The following CPXM2 variants were observed in gnomAD, a reference collection of about 807,000 sequenced individuals.
The protein encoded by CPXM2 is inactive carboxypeptidase-like protein X2.
Under a neutral mutation model 86.1 loss-of-function variants are expected in CPXM2, and 66 were observed. That is an observed-to-expected ratio of 0.77 (90% CI 0.63 to 0.94). The LOEUF is 0.94. Among genes scored for constraint, CPXM2 ranks in the 40% least tolerant of loss-of-function variants. The probability of loss-of-function intolerance (pLI) is 0.00; values close to 1 mark genes in which losing one functional copy is unlikely to be tolerated. For synonymous variants in CPXM2, 388 were observed against 400.2 expected, an observed-to-expected ratio of 0.97 and a Z score of 0.36; for missense variants, 948 against 1,026.3, an observed-to-expected ratio of 0.92 and a Z score of 1.04.
chr10:123,863,650 C>T (rs1045451916), intron 2 of CPXM2, among the ~76,000 whole-genome samples: 12 of 152,206 alleles, frequency 7.9e-5, no homozygotes, highest in African/African-American at 2.9e-4. Flanking sequence ...TTAATCCTCA[C>T]ACGACATACT....
chr10:123,869,923 T>C (rs1422315265), intron 2 of CPXM2, among the ~76,000 whole-genome samples: 1 of 152,146 alleles, frequency 6.6e-6, no homozygotes, highest in African/African-American at 2.4e-5. Context: ...AGCATATAAA[T>C]AAGAATTCTG....
At chr10:123,854,658 G>A (rs1006920995) in intron 3 of CPXM2, among the ~76,000 whole-genome samples, 26 of 150,268 alleles carry the variant, frequency 1.7e-4, no homozygotes, top group South Asian at 1.0e-3. Flanking sequence ...GACAACCCCC[G>A]GAGCCTGTGT....
intron 4 of CPXM2, among the ~76,000 whole-genome samples, chr10:123,828,333 A>G (rs1490770273): frequency 1.3e-5 from 2 of 152,174 alleles, no homozygotes; most frequent in Non-Finnish European, 2.9e-5. Context: ...AAATAAACCA[A>G]CTGATATGGT....
At chr10:123,929,163 C>G (rs1945646374) in intron 2 of CPXM2, among the ~76,000 whole-genome samples, 1 of 152,206 alleles carries the variant, frequency 6.6e-6, no homozygotes. Flanking sequence ...CAGGCAGTGC[C>G]AGGACAGATG....
chr10:123,857,229 A>G (rs560109138), intron 3 of CPXM2, among the ~76,000 whole-genome samples: 90 of 152,296 alleles, frequency 5.9e-4, no homozygotes, highest in Non-Finnish European at 9.7e-4. Context: ...TCTACTTGAA[A>G]AAAAGGAAGT....
intron 4 of CPXM2, among the ~76,000 whole-genome samples, chr10:123,800,256 A>G (rs967018952): frequency 6.6e-6 from 1 of 151,990 alleles, no homozygotes; most frequent in African/African-American, 2.4e-5. Flanking sequence ...GTGATTTTAT[A>G]CATGCTTGGA....
chr10:123,761,770 C>T (rs1208745142), intron 11 of CPXM2, 102 bp downstream of exon 11: 1 of 1,210,332 alleles, frequency 8.3e-7, no homozygotes, highest in African/African-American at 1.5e-5. Flanking sequence ...GCAGCCACCA[C>T]TTAGTGACAA....
At chr10:123,919,477 G>T (rs1018680291) in intron 2 of CPXM2, among the ~76,000 whole-genome samples, 1 of 149,738 alleles carries the variant, frequency 6.7e-6, no homozygotes, top group Non-Finnish European at 1.5e-5. Context: ...TTTAAAGCAG[G>T]TATGACAACC....
chr10:123,752,022 A>G (rs1458435666), intron 13 of CPXM2: 1 of 985,436 alleles, frequency 1.0e-6, no homozygotes, highest in African/African-American at 1.7e-5. Flanking sequence ...CAAAACTCCC[A>G]CATTTTCTCA....
intron 4 of CPXM2, among the ~76,000 whole-genome samples, chr10:123,830,598 T>C (rs766559705): frequency 6.6e-6 from 1 of 152,176 alleles, no homozygotes; most frequent in African/African-American, 2.4e-5. Context: ...GCCAGTTCTC[T>C]GCTGGAACCA....
rs966415142 is a variant in CPXM2, at chr10:123,923,381, C to T, written n.174+16096G>A. 4.0e-5 allele frequency among the ~76,000 whole-genome samples: 6 copies of T among 149,820 alleles called. No individual in the cohort carries two copies. The South Asian group carries it at 8.6e-4, about 21-fold the overall frequency. ...GGATCACGAGGTCAGGAGATCGAGA[C>T]CATCCTGGCTAACACAGTGAAACCC... On this transcript the variant is annotated intron_variant and non_coding_transcript_variant, in intron 2 of 19. Transcript: ENST00000368854.
At chr10:123,748,992 T>C (rs1327264360) in intron 13 of CPXM2, among the ~76,000 whole-genome samples, 2 of 152,180 alleles carry the variant, frequency 1.3e-5, no homozygotes, top group African/African-American at 2.4e-5. Flanking sequence ...GTGCTCAACA[T>C]GCGTGCCATT....
intron 4 of CPXM2, among the ~76,000 whole-genome samples, chr10:123,820,851 G>C (rs1004075931): frequency 3.9e-5 from 6 of 152,206 alleles, no homozygotes; most frequent in African/African-American, 7.2e-5. Context: ...CATGTGATGA[G>C]ATTGGACTCA....
At chr10:123,895,704 G>C (rs910305936), upstream of CPXM2, among the ~76,000 whole-genome samples, 3 of 152,198 alleles carry the variant, frequency 2.0e-5, no homozygotes, top group African/African-American at 7.2e-5. Context: ...AGTGTAAGTA[G>C]AACTCCAGAA....
intron 2 of CPXM2, among the ~76,000 whole-genome samples, chr10:123,863,399 A>T (rs559287480): frequency 1.3e-5 from 2 of 152,322 alleles, no homozygotes; most frequent in African/African-American, 4.8e-5. Context: ...AGGGGGCCAC[A>T]TGATGAACCG....
intron 3 of CPXM2, among the ~76,000 whole-genome samples, chr10:123,861,905 G>A (rs1848855888): frequency 6.6e-6 from 1 of 152,258 alleles, no homozygotes; most frequent in African/African-American, 2.4e-5. Flanking sequence ...TGGGATTCAT[G>A]TGAGTGGAGC....
intron 5 of CPXM2, among the ~76,000 whole-genome samples, chr10:123,798,471 G>A (rs1847382453): frequency 6.6e-6 from 1 of 152,186 alleles, no homozygotes; most frequent in Non-Finnish European, 1.5e-5. Flanking sequence ...GGCATTGAAG[G>A]AAAGCTATTT....
intron 3 of CPXM2, among the ~76,000 whole-genome samples, chr10:123,852,515 A>G (rs1431281645): frequency 1.3e-5 from 2 of 152,130 alleles, no homozygotes; most frequent in African/African-American, 2.4e-5. Flanking sequence ...TTGCTCCCCA[A>G]AAGTCAACAC....
intron 2 of CPXM2, among the ~76,000 whole-genome samples, chr10:123,863,824 G>A (rs747992762): frequency 5.9e-5 from 9 of 152,166 alleles, no homozygotes; most frequent in Non-Finnish European, 1.3e-4. Flanking sequence ...TGAGACAGCT[G>A]GGAGCCTGGG....
Sources: allele counts gnomAD v4.1 joint callset (sites outside exome capture counted in the v4.1 genomes callset), GRCh38; gene constraint gnomAD v4.1.1; transcripts MANE v1.5; gene names NCBI Gene and HGNC (gene_info 2026-07-23, HGNC 2026-07-21).